Variants in GPC5 observed in about 807,000 individuals in gnomAD.
GPC5 encodes glypican 5, also known as glypican-5.
A neutral mutation model predicts 53.9 loss-of-function variants in GPC5; 47 were observed. The observed-to-expected ratio is 0.87, with a 90% CI of 0.69 to 1.11. The LOEUF (loss-of-function observed/expected upper bound fraction) is 1.11, where lower values mean the gene tolerates loss of function less well. GPC5 is among the 50% of genes most tolerant of loss of function. The probability of loss-of-function intolerance (pLI) is 0.00; values close to 1 mark genes in which losing one functional copy is unlikely to be tolerated. For synonymous variants in GPC5, 286 were observed against 263.3 expected (o/e 1.09, Z -0.84); for missense variants, 748 against 713.1 (o/e 1.05, Z -0.56).
At chr13:92,711,148 A>AT (rs1888125674) in intron 7 of GPC5, among the ~76,000 whole-genome samples, 1 of 152,214 alleles carries the variant, frequency 6.6e-6, no homozygotes, top group Admixed American at 6.5e-5. Flanking sequence ...ATGCTCTGAC[A>AT]TAAAAAAGAC....
chr13:92,042,807 TTATGAA>T (rs146782386), intron 6 of GPC5, among the ~76,000 whole-genome samples: 1,605 of 152,292 alleles, frequency 0.011, 33 homozygotes, highest in African/African-American at 0.036. Flanking sequence ...TAGCAGCTAA[TTATGAA>T]TATGTTCAAA....
At chr13:91,833,445 C>G (rs1198790566) in intron 5 of GPC5, among the ~76,000 whole-genome samples, 2 of 151,718 alleles carry the variant, frequency 1.3e-5, no homozygotes, top group East Asian at 3.9e-4. Flanking sequence ...ACAACAACAA[C>G]AAAAGAAAAT....
At chr13:92,193,725 G>A (rs982249039) in intron 7 of GPC5, among the ~76,000 whole-genome samples, 3 of 152,078 alleles carry the variant, frequency 2.0e-5, no homozygotes, top group East Asian at 1.9e-4. Context: ...ACACCCATTC[G>A]GCTCTGCCCC....
At chr13:92,666,966 G>GA (rs1886592055) in intron 7 of GPC5, among the ~76,000 whole-genome samples, 1 of 152,058 alleles carries the variant, frequency 6.6e-6, no homozygotes, top group South Asian at 2.1e-4. Flanking sequence ...ATTCTTAACT[G>GA]AAAATAGGGA....
intron 6 of GPC5, among the ~76,000 whole-genome samples, chr13:92,096,964 A>T (rs1387658053): frequency 6.6e-6 from 1 of 152,220 alleles, no homozygotes; most frequent in African/African-American, 2.4e-5. Context: ...AGAAACATGG[A>T]TATGTATGAA....
chr13:92,005,975 T>C (rs1233422742), intron 6 of GPC5, among the ~76,000 whole-genome samples: 2 of 152,178 alleles, frequency 1.3e-5, no homozygotes, highest in Non-Finnish European at 2.9e-5. Flanking sequence ...TAAACCTTTT[T>C]TTCTGGCTAT....
intron 1 of GPC5, among the ~76,000 whole-genome samples, chr13:91,442,301 T>C (rs969688855): frequency 2.6e-5 from 4 of 152,214 alleles, no homozygotes; most frequent in Non-Finnish European, 5.9e-5. Context: ...TGATTTCCTT[T>C]TTTGTTGTTA....
chr13:91,594,864 G>A (rs916794942), intron 2 of GPC5, among the ~76,000 whole-genome samples: 3 of 151,744 alleles, frequency 2.0e-5, no homozygotes, highest in Non-Finnish European at 2.9e-5. Flanking sequence ...TGTAGAGATG[G>A]GGTCTCACTA....
intron 4 of GPC5, among the ~76,000 whole-genome samples, chr13:91,754,092 G>A (rs1352456338): frequency 2.0e-5 from 3 of 152,070 alleles, no homozygotes; most frequent in African/African-American, 2.4e-5. Flanking sequence ...AAGGTATGAC[G>A]GTGTGTTTGG....
At position 92,815,514 on chromosome 13, in the gene GPC5, A is replaced by C. The variant is rs971312739; in HGVS notation, c.1562-50768A>C. Among the ~76,000 whole-genome samples the C allele has an allele frequency of 4.1e-4, 62 of 151,934 alleles. 1 individual carries two copies. Among genetic ancestry groups the C allele is most frequent in the African/African-American group, 1.4e-3 (59 of 41,388 alleles). ...GCAGACTAATAGTCATAGCCTGATT[A>C]CACAGGCTTTGCTGACTCTGTGATT... On this transcript the variant is annotated intron_variant, in intron 7 of 7. Transcript: ENST00000377067.
chr13:92,836,654 C>T (rs1258605194), intron 7 of GPC5, among the ~76,000 whole-genome samples: 1 of 151,918 alleles, frequency 6.6e-6, no homozygotes, highest in Admixed American at 6.6e-5. Context: ...GATATTTTTG[C>T]ATACAATTAT....
intron 7 of GPC5, among the ~76,000 whole-genome samples, chr13:92,723,270 A>G (rs745616716): frequency 1.0e-5 from 1 of 97,924 alleles, no homozygotes; most frequent in Non-Finnish European, 2.0e-5. Context: ...CAGGAATGAA[A>G]TACACCTACA....
Position 92,839,519 on chromosome 13 carries a change from A to T in GPC5, c.1562-26763A>T, listed in dbSNP as rs1042923491. On this transcript the variant is annotated intron_variant, in intron 7 of 7. Coordinates refer to ENST00000377067, the MANE Select transcript of GPC5 (RefSeq NM_004466.6). ...CTCTATGTGTTCATGTGTTCTCATC[A>T]TTTAGCTCCCACTTATAAGTGAAAA... Among the ~76,000 whole-genome samples, 3 of 151,034 alleles carry T rather than the reference A, an allele frequency of 2.0e-5. No individual in the cohort carries two copies. The East Asian group carries it at 5.8e-4, about 29-fold the overall frequency.
chr13:92,447,433 T>A (rs1017521446), intron 7 of GPC5: 3 of 152,082 alleles, frequency 2.0e-5, no homozygotes, highest in Admixed American at 6.6e-5. Context: ...AATTAATCTG[T>A]AGCTAAGACT....
At chr13:92,424,405 AGCATTCAATAT>A (rs1370427174) in intron 7 of GPC5, among the ~76,000 whole-genome samples, 1 of 152,124 alleles carries the variant, frequency 6.6e-6, no homozygotes, top group African/African-American at 2.4e-5. Flanking sequence ...TGTACAAATA[AGCATTCAATAT>A]GACAGACAAT....
intron 5 of GPC5, among the ~76,000 whole-genome samples, chr13:91,767,724 T>A (rs1173228624): frequency 6.6e-6 from 1 of 152,202 alleles, no homozygotes; most frequent in African/African-American, 2.4e-5. Flanking sequence ...TTTTAACTTG[T>A]TACACGCGTC....
At chr13:91,941,482 G>T (rs577484739) in intron 6 of GPC5, among the ~76,000 whole-genome samples, 1 of 151,918 alleles carries the variant, frequency 6.6e-6, no homozygotes, top group Admixed American at 6.6e-5. Flanking sequence ...TGTTCCTGGG[G>T]ATTAGTTCCT....
intron 6 of GPC5, among the ~76,000 whole-genome samples, chr13:92,122,219 A>C (rs1161051214): frequency 3.9e-5 from 6 of 152,066 alleles, no homozygotes; most frequent in Non-Finnish European, 8.8e-5. Context: ...TTGTCTTTGC[A>C]GTGACAATTT....
chr13:91,465,281 A>G (rs1238591528), intron 2 of GPC5, among the ~76,000 whole-genome samples: 1 of 152,140 alleles, frequency 6.6e-6, no homozygotes, highest in East Asian at 1.9e-4. Flanking sequence ...CCTTCTGTGA[A>G]TTTTGACAAA....
Sources: allele counts gnomAD v4.1 joint callset (sites outside exome capture counted in the v4.1 genomes callset), GRCh38; gene constraint gnomAD v4.1.1; transcripts MANE v1.5; gene names NCBI Gene and HGNC (gene_info 2026-07-23, HGNC 2026-07-21).